The following AK9 variants were observed in gnomAD, a reference collection of about 807,000 sequenced individuals.
AK9 encodes adenylate kinase 9.
A neutral mutation model predicts 239.6 loss-of-function variants in AK9; 191 were observed. That is an observed-to-expected ratio of 0.80 (90% CI 0.71 to 0.90). AK9 has a LOEUF of 0.90. Ranked by LOEUF, AK9 falls within the 40% of genes least tolerant of loss-of-function variation. The probability of loss-of-function intolerance (pLI) is 0.00; values close to 1 mark genes in which losing one functional copy is unlikely to be tolerated. For missense variants in AK9, 1,995 were observed against 2,214.7 expected (o/e 0.90, Z 1.99); for synonymous variants, 689 against 721.0 (o/e 0.96, Z 0.71).
chr6:109,684,371 T>C (rs2128359512), intron 1 of AK9, among the ~76,000 whole-genome samples: 1 of 152,156 alleles, frequency 6.6e-6, no homozygotes, highest in African/African-American at 2.4e-5. Flanking sequence ...CCAAAAGCAA[T>C]GGCAACAAAA....
At position 109,672,031 on chromosome 6, in the gene AK9, G is replaced by GAT. The variant is rs1176048534; in HGVS notation, c.235-18_235-17dup. The GAT allele has an allele frequency of 2.5e-6, 4 of 1,612,440 alleles. No individual in the cohort carries two copies. In the African/African-American group the frequency reaches 5.3e-5, roughly 22 times the overall value. ...TTGATTGCAACTAAGGACAAGCATA[G>GAT]ATATTGTACATTACTGTATAATATA... On this transcript the variant is annotated splice_polypyrimidine_tract_variant and intron_variant, in intron 4 of 40. Coordinates refer to ENST00000424296, the MANE Select transcript of AK9 (RefSeq NM_001145128.3).
rs1015371690 is a variant in AK9 at position 109,690,125 on chromosome 6, A to T, written c.-12+1022T>A. 4.0e-5 allele frequency among the ~76,000 whole-genome samples: 6 copies of T among 151,872 alleles called. No homozygotes were observed. The South Asian group carries it at 1.2e-3, about 32-fold the overall frequency. ...TATCTGGGTATGCTATAATTCTATA[A>T]TTTTTTTTTAAAGTTTCCTTACACT... On this transcript the variant is annotated intron_variant, in intron 1 of 40. Coordinates refer to ENST00000424296, the MANE Select transcript of AK9 (RefSeq NM_001145128.3).
At chr6:109,591,541 A>C (rs1790247738) in intron 17 of AK9, among the ~76,000 whole-genome samples, 1 of 152,148 alleles carries the variant, frequency 6.6e-6, no homozygotes, top group African/African-American at 2.4e-5. Context: ...TATATGTAGT[A>C]TTGATAGCCT....
intron 29 of AK9, among the ~76,000 whole-genome samples, chr6:109,519,772 C>T (rs1357042519): frequency 1.2e-5 from 1 of 86,562 alleles, no homozygotes; most frequent in East Asian, 4.1e-4. Context: ...TCCATCCTGT[C>T]TCAAAAAAAA....
chr6:109,660,018 C>T (rs146080384), intron 6 of AK9, among the ~76,000 whole-genome samples: 52 of 152,206 alleles, frequency 3.4e-4, no homozygotes, highest in Middle Eastern at 3.4e-3. Flanking sequence ...TGCTTTCACT[C>T]GTGCGATTTT....
intron 1 of AK9, among the ~76,000 whole-genome samples, chr6:109,683,620 G>A (rs1293883928): frequency 6.6e-6 from 1 of 152,108 alleles, no homozygotes; most frequent in Non-Finnish European, 1.5e-5. Flanking sequence ...CAAACAGAGG[G>A]CCAAATTATG....
chr6:109,609,277 T>C (rs1368442880), intron 17 of AK9, among the ~76,000 whole-genome samples: 1 of 152,188 alleles, frequency 6.6e-6, no homozygotes, highest in Admixed American at 6.5e-5. Context: ...TCTGGGATGA[T>C]TTCTCTTACC....
In AK9 at chr6:109,533,330, T is replaced by A. The variant is rs1781525438; in HGVS notation, c.3491A>T (p.Gln1164Leu). Residue 1164 changes from glutamine to leucine, a missense_variant, in exon 28 of 41, where the codon CAA becomes CTA. Physicochemically the swap from Gln to Leu is moderately radical, Grantham distance 113. This residue lies in a region of AK9 where 1,290 missense variants were observed against 1,392.7 expected (regional missense o/e 0.93). Transcript: ENST00000424296. ...QDIFDRLLPA[Q>L]IEKWKLKQKK... ...TTGTTTTAGTTTCCACTTTTCAATT[T>A]GGGCAGGAAGGAGGCGATCAAAAAT... 1.2e-6 allele frequency: 2 copies of A among 1,612,238 alleles called. No individual in the cohort carries two copies. The highest frequency in any genetic ancestry group is 1.7e-6 in the Non-Finnish European group (2 of 1,179,404).
chr6:109,493,520 ATCT>A lies in AK9; in HGVS notation c.5582_5584del (p.Lys1861del), dbSNP rs773595307. On this transcript the variant is annotated inframe_deletion, in exon 41 of 41. Coordinates refer to ENST00000424296, the MANE Select transcript of AK9 (RefSeq NM_001145128.3). ...TTCACAACTCTCCATAAACTGCTCC[ATCT>A]TCTTCTTATACTTTTTTCTTGTGTA... 30 of 1,614,008 alleles carry A rather than the reference ATCT, an allele frequency of 1.9e-5. No individual in the cohort carries two copies. The highest frequency in any genetic ancestry group is 2.5e-5 in the Non-Finnish European group (29 of 1,180,030).
chr6:109,574,518 A>G (rs9372216), intron 20 of AK9, among the ~76,000 whole-genome samples: 88,546 of 152,060 alleles, frequency 0.58, 27,480 homozygotes, highest in East Asian at 0.84. Context: ...ACAAAGTCAA[A>G]GTATTGCTAA....
rs183226687 is a variant in AK9, at chr6:109,647,680, C to T, written c.760-2992G>A. ...CCACTGTCAACATTAGACAGATCAA[C>T]GAGACAGAAAGTTAACAAGGATACC... On this transcript the variant is annotated intron_variant, in intron 8 of 40. Transcript: ENST00000424296. 2.9e-3 allele frequency among the ~76,000 whole-genome samples: 440 copies of T among 152,180 alleles called. 1 individual carries two copies. Among genetic ancestry groups the T allele is most frequent in the African/African-American group, 9.8e-3 (408 of 41,510 alleles).
intron 20 of AK9, among the ~76,000 whole-genome samples, chr6:109,575,518 G>A (rs1787952926): frequency 6.6e-6 from 1 of 151,896 alleles, no homozygotes; most frequent in Non-Finnish European, 1.5e-5. Flanking sequence ...CCCACTTTCT[G>A]ATGGGATTAT....
At chr6:109,567,204 T>C (rs1162253999) in intron 21 of AK9, among the ~76,000 whole-genome samples, 3 of 151,410 alleles carry the variant, frequency 2.0e-5, no homozygotes, top group Non-Finnish European at 3.0e-5. Context: ...AAGAAGAAAA[T>C]AGAGAAGAAT....
chr6:109,530,959 C>T (rs548881778), intron 28 of AK9, among the ~76,000 whole-genome samples: 2 of 152,088 alleles, frequency 1.3e-5, no homozygotes, highest in Non-Finnish European at 2.9e-5. Flanking sequence ...AGGAGAATCG[C>T]TTGAACCCAA....
At position 109,612,049 on chromosome 6, in the gene AK9, G is replaced by A. The variant is rs1229125052; in HGVS notation, c.1654C>T (p.Gln552Ter). The A allele has an allele frequency of 5.8e-6, 9 of 1,539,416 alleles. No individual in the cohort carries two copies. Among genetic ancestry groups the A allele is most frequent in the Non-Finnish European group, 7.0e-6 (8 of 1,141,326 alleles). The change falls in exon 16 of 41, where the codon CAA (glutamine) becomes TAA (stop). Residue 552 changes from glutamine (Q) to a stop codon, truncating the protein, a stop_gained. Coordinates refer to ENST00000424296, the MANE Select transcript of AK9 (RefSeq NM_001145128.3). LOFTEE classifies it high-confidence loss of function. ...GETFTFKRHSQDASQDVKLYS... is the reference protein window; with the variant it reads ...GETFTFKRHS ...AACTTTACATCTTGACTAGCATCTT[G>A]AGAATGCCTTTTAAATGTGAATGTT...
intron 20 of AK9, 67 bp from the exon 21 acceptor site, chr6:109,573,661 A>T: frequency 7.0e-7 from 1 of 1,419,802 alleles, no homozygotes; most frequent in African/African-American, 1.4e-5. Context: ...GGGTGTTGAT[A>T]AGTGCTGAAG....
chr6:109,588,621 C>T (rs958409941), intron 17 of AK9, among the ~76,000 whole-genome samples: 1 of 152,080 alleles, frequency 6.6e-6, no homozygotes, highest in African/African-American at 2.4e-5. Context: ...TTTGTTTTTG[C>T]TGCATTTCCT....
At chr6:109,587,949 ATC>A (rs1463133094) in intron 17 of AK9, among the ~76,000 whole-genome samples, 2 of 152,094 alleles carry the variant, frequency 1.3e-5, no homozygotes, top group Non-Finnish European at 2.9e-5. Flanking sequence ...CCTTGTCAAC[ATC>A]TGTTTTTTGA....
chr6:109,629,065 A>G lies in AK9; in HGVS notation c.1254+3858T>C, dbSNP rs1371783276. On this transcript the variant is annotated intron_variant, in intron 12 of 40. Transcript: ENST00000424296. Reference sequence around the variant, plus strand: ...GGACTTAAACAAAAATTATTATTTCAGTTTCTGAGGGTCAGAGATAACAAT... The same window carrying G: ...GGACTTAAACAAAAATTATTATTTCGGTTTCTGAGGGTCAGAGATAACAAT... 1.2e-4 allele frequency among the ~76,000 whole-genome samples: 18 copies of G among 152,276 alleles called. No individual in the cohort carries two copies. In the East Asian group the frequency reaches 3.5e-3, roughly 29 times the overall value.
Sources: allele counts gnomAD v4.1 joint callset (sites outside exome capture counted in the v4.1 genomes callset), GRCh38; gene constraint gnomAD v4.1.1; regional missense constraint gnomAD v4.1.1; transcripts MANE v1.5; gene names NCBI Gene and HGNC (gene_info 2026-07-23, HGNC 2026-07-21).